The following AFG1L variants were observed in gnomAD, a reference collection of about 807,000 sequenced individuals.
AFG1L encodes the protein AFG1-like ATPase.
Under a neutral mutation model 62.2 loss-of-function variants are expected in AFG1L, and 53 were observed. That is an observed-to-expected ratio of 0.85 (90% confidence interval 0.68 to 1.07). The LOEUF is 1.07. Ranked by LOEUF, AFG1L falls within the 50% of genes least tolerant of loss-of-function variation. The probability of loss-of-function intolerance (pLI) is 0.00; values close to 1 mark genes in which losing one functional copy is unlikely to be tolerated. For missense variants in AFG1L, 555 were observed against 590.5 expected (o/e 0.94, Z 0.62); for synonymous variants, 228 against 210.3 (o/e 1.08, Z -0.73).
At chr6:108,522,135 A>G in intron 12 of AFG1L, 162 bp from the exon 13 acceptor site, 1 of 507,856 alleles carries the variant, frequency 2.0e-6, no homozygotes, top group Non-Finnish European at 3.5e-6. Flanking sequence ...AAATTGGTTG[A>G]CTCTCTAGTC....
intron 6 of AFG1L, among the ~76,000 whole-genome samples, chr6:108,380,146 CT>C (rs1429489186): frequency 6.6e-6 from 1 of 151,874 alleles, no homozygotes; most frequent in East Asian, 1.9e-4. Flanking sequence ...GAGGGTCCCC[CT>C]GCACCAGGAT....
At chr6:108,358,699 T>A (rs2114470550) in intron 5 of AFG1L, among the ~76,000 whole-genome samples, 1 of 152,132 alleles carries the variant, frequency 6.6e-6, no homozygotes, top group East Asian at 1.9e-4. Context: ...GCCCAGCTAA[T>A]TTTTTTGTAT....
At chr6:108,339,730 G>A (rs1455069760) in intron 2 of AFG1L, among the ~76,000 whole-genome samples, 1 of 152,092 alleles carries the variant, frequency 6.6e-6, no homozygotes, top group Admixed American at 6.6e-5. Context: ...TTACAGGTGT[G>A]AACTACTGAA....
intron 6 of AFG1L, among the ~76,000 whole-genome samples, chr6:108,380,399 T>C (rs1396924863): frequency 6.6e-6 from 1 of 151,972 alleles, no homozygotes; most frequent in Non-Finnish European, 1.5e-5. Flanking sequence ...GGAAGCAGAG[T>C]GGGGCACCCA....
chr6:108,444,694 T>G (rs1174505175), intron 7 of AFG1L, among the ~76,000 whole-genome samples: 2 of 152,222 alleles, frequency 1.3e-5, no homozygotes, highest in Non-Finnish European at 2.9e-5. Context: ...AAACAATCTT[T>G]CTTCTAAGCA....
intron 11 of AFG1L, among the ~76,000 whole-genome samples, chr6:108,519,216 A>G (rs1187332426): frequency 6.6e-6 from 1 of 152,208 alleles, no homozygotes. Flanking sequence ...AACTCCCTCC[A>G]TCAAATCCTG....
At chr6:108,489,835 T>C (rs1036378466) in intron 10 of AFG1L, among the ~76,000 whole-genome samples, 3 of 152,092 alleles carry the variant, frequency 2.0e-5, no homozygotes, top group Non-Finnish European at 2.9e-5. Flanking sequence ...AAGATAAAGA[T>C]GTAGAGGTCA....
At chr6:108,303,696 G>GT (rs1777095373) in intron 1 of AFG1L, among the ~76,000 whole-genome samples, 1 of 152,144 alleles carries the variant, frequency 6.6e-6, no homozygotes. Flanking sequence ...GCCTGAGCAT[G>GT]TAATTCTTTA....
chr6:108,466,580 C>T (rs994417843), intron 8 of AFG1L, among the ~76,000 whole-genome samples: 7 of 151,812 alleles, frequency 4.6e-5, no homozygotes, highest in South Asian at 2.1e-4. Flanking sequence ...CCCAGGAGTG[C>T]GTGCACACAG....
In AFG1L at chr6:108,519,768, G is replaced by A; in HGVS notation, c.1275G>A (p.Leu425=). ...TGCATCAACATCATGACAGTGAGTT[G>A]GAGCAAAGCAGAATACTGATGGATG... ...LFLHQHHDSE[L]EQSRILMDDL... is the part of the protein sequence containing the mutation. The change falls in exon 12 of 13, where the codon TTG becomes TTA. Residue 425 remains leucine (L), a synonymous_variant. Coordinates refer to ENST00000368977, the MANE Select transcript of AFG1L (RefSeq NM_145315.5). The A allele has an allele frequency of 6.2e-7, 1 of 1,613,396 alleles. No individual in the cohort carries two copies. The highest frequency in any genetic ancestry group is 8.5e-7 in the Non-Finnish European group (1 of 1,179,666).
intron 2 of AFG1L, among the ~76,000 whole-genome samples, chr6:108,335,609 T>G (rs1484256453): frequency 6.6e-6 from 1 of 152,246 alleles, no homozygotes; most frequent in Non-Finnish European, 1.5e-5. Flanking sequence ...TTTCCACCTC[T>G]TTCTTTTGAT....
chr6:108,372,332 C>CTT (rs1188752721), intron 6 of AFG1L, among the ~76,000 whole-genome samples: 8 of 136,132 alleles, frequency 5.9e-5, no homozygotes, highest in East Asian at 2.1e-4. Context: ...CAAACTTGTT[C>CTT]TTTTTTTTTT....
intron 11 of AFG1L, among the ~76,000 whole-genome samples, chr6:108,513,889 T>A (rs1478745423): frequency 1.3e-5 from 2 of 152,154 alleles, no homozygotes; most frequent in Non-Finnish European, 2.9e-5. Context: ...ACACCTCACA[T>A]GGCCGGGTAC....
At chr6:108,363,279 CAT>C (rs1237586596) in intron 5 of AFG1L, among the ~76,000 whole-genome samples, 2 of 151,924 alleles carry the variant, frequency 1.3e-5, no homozygotes, top group African/African-American at 2.4e-5. Flanking sequence ...TATAGGTAAA[CAT>C]GTGTCACAAG....
At chr6:108,506,172 G>A (rs552484849) in intron 10 of AFG1L, among the ~76,000 whole-genome samples, 1 of 152,150 alleles carries the variant, frequency 6.6e-6, no homozygotes. Context: ...ATAAAGTGGA[G>A]TAGTATTTGC....
chr6:108,506,789 TA>T (rs1332029736), intron 10 of AFG1L, among the ~76,000 whole-genome samples: 2 of 152,266 alleles, frequency 1.3e-5, no homozygotes, highest in African/African-American at 2.4e-5. Flanking sequence ...TTTTATGTTA[TA>T]TTTTTTTCCA....
chr6:108,522,019 T>TG, intron 12 of AFG1L: 1 of 250,096 alleles, frequency 4.0e-6, no homozygotes, highest in Non-Finnish European at 8.0e-6. Flanking sequence ...TCAGAACTAC[T>TG]GGTTTTTTTT....
At chr6:108,328,338 T>C (rs1778138075) in intron 2 of AFG1L, among the ~76,000 whole-genome samples, 1 of 152,244 alleles carries the variant, frequency 6.6e-6, no homozygotes, top group South Asian at 2.1e-4. Context: ...TGAATTGCTT[T>C]CCTGAATTTT....
At chr6:108,392,730 C>A (rs1240972195) in intron 6 of AFG1L, among the ~76,000 whole-genome samples, 1 of 151,968 alleles carries the variant, frequency 6.6e-6, no homozygotes, top group Non-Finnish European at 1.5e-5. Flanking sequence ...GTCTGTAATA[C>A]AATAAGAATC....
Sources: allele counts gnomAD v4.1 joint callset (sites outside exome capture counted in the v4.1 genomes callset), GRCh38; gene constraint gnomAD v4.1.1; transcripts MANE v1.5; gene names NCBI Gene and HGNC (gene_info 2026-07-23, HGNC 2026-07-21).